The following REL variants were observed in gnomAD, a reference collection of about 807,000 sequenced individuals.
REL encodes the protein REL proto-oncogene, NF-kB subunit, also known as proto-oncogene c-Rel.
A neutral mutation model predicts 45.9 loss-of-function variants in REL; 15 were observed. The ratio of observed to expected loss-of-function variants is 0.33; its 90% CI spans 0.22 to 0.50. The LOEUF (loss-of-function observed/expected upper bound fraction) is 0.50, where lower values mean the gene tolerates loss of function less well. REL is among the 20% of genes least tolerant of loss of function. The probability of loss-of-function intolerance (pLI) is 0.98; values close to 1 mark genes in which losing one functional copy is unlikely to be tolerated. For synonymous variants in REL, 239 were observed against 242.1 expected (o/e 0.99, Z 0.12); for missense variants, 601 against 715.2 (o/e 0.84, Z 1.82).
chr2:60,907,847 T>C (rs1673704918), intron 4 of REL, among the ~76,000 whole-genome samples: 1 of 151,716 alleles, frequency 6.6e-6, no homozygotes, highest in African/African-American at 2.4e-5. Flanking sequence ...CCCGCCACCA[T>C]GCCCAGCTAA....
At position 60,918,289 on chromosome 2, in the gene REL, C is replaced by A; in HGVS notation, c.634C>A (p.Gln212Lys). Residue 212 changes from glutamine (Q) to lysine (K), a missense_variant, in exon 6 of 10, where the codon CAG (glutamine) becomes AAG (lysine). Gln to Lys is a moderately conservative substitution (Grantham distance 53, BLOSUM62 1). Around this residue, in one of 4 missense-constraint regions of REL, gnomAD observed 241 missense variants for 347.0 expected, o/e 0.69. Transcript: ENST00000394479. Reference protein sequence around the residue: ...DEIFLLCDKVQKDDIEVRFVL... With the variant: ...DEIFLLCDKVKKDDIEVRFVL... ...AATATTTCTACTTTGTGACAAAGTTCAGAAAGGTATTTATTTATTTCATTG... is the reference window on the plus strand; with the variant it reads ...AATATTTCTACTTTGTGACAAAGTTAAGAAAGGTATTTATTTATTTCATTG... 1 of 1,586,608 alleles carries A rather than the reference C, an allele frequency of 6.3e-7. No individual in the cohort carries two copies. Among genetic ancestry groups the A allele is most frequent in the South Asian group, 1.1e-5 (1 of 88,860 alleles).
At position 60,881,605 on chromosome 2, in the gene REL, T is replaced by G. The variant is rs1273113836; in HGVS notation, c.-236T>G. ...CTCTCCCCGCTCCGCCCCCTGCCCC[T>G]GGCTCCCGTACGGTGGACGGCGACG... is the stretch of plus-strand genomic sequence containing the variant. On this transcript the variant is annotated 5_prime_UTR_variant, in exon 1 of 10. Coordinates refer to ENST00000394479, the MANE Select transcript of REL (RefSeq NM_001291746.2). 5 of 504,160 alleles carry G rather than the reference T, an allele frequency of 9.9e-6. No individual in the cohort carries two copies. Among genetic ancestry groups the G allele is most frequent in the Admixed American group, 3.9e-5 (1 of 25,926 alleles). 31.2% of individuals were successfully genotyped at this position (504,160 alleles called of 1,614,324 possible). A position where few individuals can be genotyped will look rare whatever the true frequency, so the allele number is the denominator to read the frequency against.
chr2:60,917,125 A>G (rs1384734958), intron 5 of REL, 108 bp downstream of exon 5: 13 of 926,436 alleles, frequency 1.4e-5, no homozygotes, highest in Non-Finnish European at 1.9e-5. Context: ...ATGATAGGAA[A>G]ACTTCCAGAC....
chr2:60,930,978 T>G lies in REL; in HGVS notation c.*8443T>G, dbSNP rs1469139455. ...CAGCAAGTAAATGAAATATAAATTT[T>G]TGGTAAAAGTATCAAACATTCATCT... On this transcript the variant is annotated 3_prime_UTR_variant, in exon 10 of 10. Transcript: ENST00000394479. 1 of 152,358 alleles carries G rather than the reference T, an allele frequency of 6.6e-6. No homozygotes were observed. The highest frequency in any genetic ancestry group is 1.9e-4 in the East Asian group (1 of 5,344). 9.4% of individuals were successfully genotyped at this position (152,358 alleles called of 1,614,324 possible).
rs765974819 is a variant in REL, at chr2:60,916,862, T to G, written c.395-15T>G. 6.2e-7 allele frequency: 1 copy of G among 1,601,794 alleles called. No homozygotes were observed. Among genetic ancestry groups the G allele is most frequent in the Non-Finnish European group, 8.5e-7 (1 of 1,173,340 alleles). ...TGTGACTATTACATTTAAAAAATTTTTTTTTTCTATTCAGTCCCTGAAAAA... is the reference window on the plus strand; with the variant it reads ...TGTGACTATTACATTTAAAAAATTTGTTTTTTCTATTCAGTCCCTGAAAAA... On this transcript the variant is annotated splice_polypyrimidine_tract_variant and intron_variant, in intron 4 of 9. Coordinates refer to ENST00000394479, the MANE Select transcript of REL (RefSeq NM_001291746.2).
intron 4 of REL, among the ~76,000 whole-genome samples, chr2:60,908,596 C>T (rs1673724274): frequency 6.6e-6 from 1 of 151,934 alleles, no homozygotes; most frequent in Non-Finnish European, 1.5e-5. Context: ...CTCTTAACTG[C>T]AAAAGCTGAA....
chr2:60,912,216 C>T (rs1673837551), intron 4 of REL, among the ~76,000 whole-genome samples: 1 of 151,790 alleles, frequency 6.6e-6, no homozygotes, highest in Non-Finnish European at 1.5e-5. Flanking sequence ...AATTGAGAGC[C>T]CAGAAGAGAC....
At chr2:60,890,784 C>T (rs1341229753) in intron 1 of REL, among the ~76,000 whole-genome samples, 1 of 152,190 alleles carries the variant, frequency 6.6e-6, no homozygotes, top group East Asian at 1.9e-4. Flanking sequence ...AATGTCCCCC[C>T]TGCCTTTCCT....
At chr2:60,881,885 G>A (rs1045735636) in intron 1 of REL, 35 bp downstream of exon 1, 24 of 1,427,974 alleles carry the variant, frequency 1.7e-5, no homozygotes, top group South Asian at 5.5e-5. Flanking sequence ...TGGGCCGGGG[G>A]AAAGGAGCTC....
chr2:60,920,985 T>G (rs1310158238), intron 9 of REL, among the ~76,000 whole-genome samples: 2 of 152,176 alleles, frequency 1.3e-5, no homozygotes, highest in Non-Finnish European at 2.9e-5. Flanking sequence ...TGATTAAATA[T>G]TATCTCTAAA....
intron 4 of REL, among the ~76,000 whole-genome samples, chr2:60,904,418 AAAATT>A (rs1673584789): frequency 6.6e-6 from 1 of 151,424 alleles, no homozygotes; most frequent in Admixed American, 6.6e-5. Flanking sequence ...AAAAAAAAAA[AAAATT>A]AGCCGGGCGT....
rs956202360 is a variant in REL, at chr2:60,925,115, A to T, written c.*2580A>T. On this transcript the variant is annotated 3_prime_UTR_variant, in exon 10 of 10. Coordinates refer to ENST00000394479, the MANE Select transcript of REL (RefSeq NM_001291746.2). The stretch of plus-strand genomic sequence containing the variant: ...TTAAAGTTGGGCAGTAATCTTAATT[A>T]TGATGGAATTATCATTATGCTAAGT... 18 of 198,608 alleles carry T rather than the reference A, an allele frequency of 9.1e-5. No individual in the cohort carries two copies. The highest frequency in any genetic ancestry group is 1.6e-4 in the Non-Finnish European group (15 of 95,952). The allele number at this position is 198,608 out of a possible 1,614,324, so 12.3% of individuals were successfully genotyped here.
intron 4 of REL, among the ~76,000 whole-genome samples, chr2:60,907,697 CT>C (rs869140724): frequency 1.0e-3 from 144 of 139,764 alleles, no homozygotes; most frequent in Admixed American, 1.2e-3. Context: ...TTGTACTTTT[CT>C]TTTTTTTTTT....
intron 4 of REL, among the ~76,000 whole-genome samples, chr2:60,902,288 AT>A (rs1246650852): frequency 1.3e-5 from 2 of 152,056 alleles, no homozygotes; most frequent in African/African-American, 2.4e-5. Flanking sequence ...TTTAGGTTTT[AT>A]TTTTCACACT....
At chr2:60,894,780 A>G (rs1246470929) in intron 3 of REL, among the ~76,000 whole-genome samples, 1 of 151,982 alleles carries the variant, frequency 6.6e-6, no homozygotes, top group Non-Finnish European at 1.5e-5. Context: ...TTAAAAGTAA[A>G]CGTAAACTTC....
chr2:60,906,166 C>T (rs972819416), intron 4 of REL, among the ~76,000 whole-genome samples: 3 of 152,152 alleles, frequency 2.0e-5, no homozygotes, highest in African/African-American at 2.4e-5. Flanking sequence ...TGGGGGAAAC[C>T]ACCCCCATGA....
rs773095539 is a variant in REL, at chr2:60,894,781, C to T, written c.302+236C>T. On this transcript the variant is annotated intron_variant, in intron 3 of 9. Coordinates refer to ENST00000394479, the MANE Select transcript of REL (RefSeq NM_001291746.2). Reference sequence around the variant, plus strand: ...CATTTTTATTGTTATTAAAAGTAAACGTAAACTTCTTGTATACTGTGATTT... The same window carrying T: ...CATTTTTATTGTTATTAAAAGTAAATGTAAACTTCTTGTATACTGTGATTT... Among the ~76,000 whole-genome samples, 50 of 150,282 alleles carry T rather than the reference C, an allele frequency of 3.3e-4. No individual in the cohort carries two copies. The Middle Eastern group carries it at 0.01, about 32-fold the overall frequency.
At chr2:60,917,411 T>C (rs922117167) in intron 5 of REL, among the ~76,000 whole-genome samples, 2 of 152,158 alleles carry the variant, frequency 1.3e-5, no homozygotes, top group African/African-American at 4.8e-5. Flanking sequence ...TATGTAGTTA[T>C]ATCATAATTT....
At position 60,925,269 on chromosome 2, in the gene REL, C is replaced by T. The variant is rs557117789; in HGVS notation, c.*2734C>T. The T allele has an allele frequency of 1.0e-5, 2 of 194,918 alleles. No homozygotes were observed. Among genetic ancestry groups the T allele is most frequent in the Non-Finnish European group, 2.1e-5 (2 of 93,552 alleles). 12.1% of individuals were successfully genotyped at this position (194,918 alleles called of 1,614,324 possible). On this transcript the variant is annotated 3_prime_UTR_variant, in exon 10 of 10. Transcript: ENST00000394479. ...AAACCATAACTTTACATAAACTAGT[C>T]GTTTCGGTCAAATAGAAAAATGTGT...
Sources: allele counts gnomAD v4.1 joint callset (sites outside exome capture counted in the v4.1 genomes callset), GRCh38; gene constraint gnomAD v4.1.1; regional missense constraint gnomAD v4.1.1; transcripts MANE v1.5; gene names NCBI Gene and HGNC (gene_info 2026-07-23, HGNC 2026-07-21).